The following GRM7 variants were observed in gnomAD, a reference collection of about 807,000 sequenced individuals.
GRM7 encodes the protein metabotropic glutamate receptor 7.
In GRM7, 35 loss-of-function variants were observed where a neutral mutation model predicts 84.5. The observed-to-expected ratio is 0.41, with a 90% CI of 0.32 to 0.55. The LOEUF (loss-of-function observed/expected upper bound fraction) is 0.55. GRM7 is among the 20% of genes least tolerant of loss of function. The probability of loss-of-function intolerance (pLI) is 0.19; values close to 1 mark genes in which losing one functional copy is unlikely to be tolerated. For synonymous variants in GRM7, 487 were observed against 455.1 expected, an observed-to-expected ratio of 1.07 and a Z score of -0.89; for missense variants, 1,003 against 1,194.6, an observed-to-expected ratio of 0.84 and a Z score of 2.36.
At chr3:6,938,986 C>T (rs760479543) in intron 1 of GRM7, among the ~76,000 whole-genome samples, 1 of 152,224 alleles carries the variant, frequency 6.6e-6, no homozygotes, top group African/African-American at 2.4e-5. Flanking sequence ...AGTGCATAAA[C>T]TAACCCCTCT....
At chr3:6,939,808 C>G (rs1470907147) in intron 1 of GRM7, among the ~76,000 whole-genome samples, 1 of 152,080 alleles carries the variant, frequency 6.6e-6, no homozygotes, top group Non-Finnish European at 1.5e-5. Flanking sequence ...TTTCTGGTTT[C>G]TATCCCCTTC....
intron 8 of GRM7, among the ~76,000 whole-genome samples, chr3:7,580,282 T>A (rs1451668963): frequency 1.3e-5 from 2 of 152,186 alleles, no homozygotes; most frequent in Non-Finnish European, 1.5e-5. Flanking sequence ...GGCAGGTCAG[T>A]ACAACTGGGA....
chr3:7,702,645 T>C (rs1000143049), intron 9 of GRM7, among the ~76,000 whole-genome samples: 2 of 152,240 alleles, frequency 1.3e-5, no homozygotes, highest in Admixed American at 1.3e-4. Flanking sequence ...GTTATTCTTA[T>C]AAGTACAATG....
chr3:7,318,563 AG>A (rs1208317633), intron 4 of GRM7, among the ~76,000 whole-genome samples: 1 of 152,060 alleles, frequency 6.6e-6, no homozygotes, highest in Non-Finnish European at 1.5e-5. Flanking sequence ...GGAAGGTTGA[AG>A]GGGTTTTTTA....
chr3:7,062,333 T>C (rs910765603), intron 1 of GRM7, among the ~76,000 whole-genome samples: 3 of 151,590 alleles, frequency 2.0e-5, no homozygotes, highest in Non-Finnish European at 4.4e-5. Context: ...ACAATCGTAG[T>C]GTGTGGAACT....
chr3:7,182,862 C>T (rs1245089992), intron 2 of GRM7, among the ~76,000 whole-genome samples: 3 of 143,056 alleles, frequency 2.1e-5, no homozygotes, highest in African/African-American at 7.7e-5. Flanking sequence ...TTCTTGTGAC[C>T]TTGTGTGCTA....
At chr3:7,447,415 G>A (rs1216019180) in intron 5 of GRM7, among the ~76,000 whole-genome samples, 13 of 152,118 alleles carry the variant, frequency 8.5e-5, no homozygotes, top group Non-Finnish European at 1.6e-4. Context: ...AATAAGAAGT[G>A]TAGTAGTTAA....
intron 9 of GRM7, among the ~76,000 whole-genome samples, chr3:7,685,932 G>T (rs1361838093): frequency 6.6e-6 from 1 of 152,024 alleles, no homozygotes; most frequent in Non-Finnish European, 1.5e-5. Context: ...GTTTTGTTTT[G>T]CTTCTCCATT....
At chr3:6,956,693 A>G (rs889982195) in intron 1 of GRM7, 1 of 454,348 alleles carries the variant, frequency 2.2e-6, no homozygotes, top group Non-Finnish European at 4.4e-6. Context: ...CGCAACTCCA[A>G]ACGCCTGAAA....
chr3:7,553,492 A>G (rs1047661905), intron 7 of GRM7, among the ~76,000 whole-genome samples: 1 of 152,230 alleles, frequency 6.6e-6, no homozygotes, highest in African/African-American at 2.4e-5. Context: ...TCATATGGCC[A>G]TAAAGAACTT....
chr3:7,306,456 G>C, intron 3 of GRM7, 42 bp from the exon 4 acceptor site: 1 of 1,569,450 alleles, frequency 6.4e-7, no homozygotes, highest in Non-Finnish European at 8.8e-7. Flanking sequence ...TTCAGCTGAC[G>C]TTCTTTATCA....
chr3:7,344,040 A>G (rs559504382), intron 4 of GRM7, among the ~76,000 whole-genome samples: 12 of 152,242 alleles, frequency 7.9e-5, no homozygotes, highest in African/African-American at 2.4e-4. Flanking sequence ...TTGTAAAATT[A>G]TTCATATAAA....
chr3:7,278,701 AT>A (rs1559548379), intron 2 of GRM7, among the ~76,000 whole-genome samples: 1 of 152,180 alleles, frequency 6.6e-6, no homozygotes, highest in African/African-American at 2.4e-5. Context: ...GAAGACAAGC[AT>A]ATGAGCAAGT....
chr3:7,007,106 C>G (rs1695203804), intron 1 of GRM7, among the ~76,000 whole-genome samples: 1 of 152,148 alleles, frequency 6.6e-6, no homozygotes, highest in Admixed American at 6.5e-5. Flanking sequence ...AATTAGCATT[C>G]TTAAATGATT....
intron 2 of GRM7, among the ~76,000 whole-genome samples, chr3:7,289,335 T>C (rs998711629): frequency 3.3e-5 from 5 of 152,190 alleles, no homozygotes; most frequent in Non-Finnish European, 5.9e-5. Flanking sequence ...GTGATGTTTC[T>C]TATTGGGATT....
chr3:7,063,378 T>A (rs767801396), intron 1 of GRM7, among the ~76,000 whole-genome samples: 45 of 151,738 alleles, frequency 3.0e-4, no homozygotes, highest in Non-Finnish European at 6.2e-4. Flanking sequence ...ATTGAGTTAT[T>A]GGACCATGAA....
intron 8 of GRM7, among the ~76,000 whole-genome samples, chr3:7,666,523 A>G (rs1392142323): frequency 6.6e-6 from 1 of 152,156 alleles, no homozygotes; most frequent in African/African-American, 2.4e-5. Context: ...CAAAAAATGG[A>G]TGTGGCGAAA....
chr3:6,861,771 A>C lies in GRM7; in HGVS notation c.383A>C (p.Gln128Pro). 4 of 1,614,226 alleles carry C rather than the reference A, an allele frequency of 2.5e-6. No individual in the cohort carries two copies. Among genetic ancestry groups the C allele is most frequent in the Non-Finnish European group, 3.4e-6 (4 of 1,180,046 alleles). Reference protein sequence around the residue: ...QSLTFVQALIQKDTSDVRCTN... With the variant: ...QSLTFVQALIPKDTSDVRCTN... ...CTTACTTTCGTCCAGGCGCTCATCC[A>C]GAAGGACACCTCCGACGTGCGCTGC... The change falls in exon 1 of 10, where the codon CAG (glutamine) becomes CCG (proline). Residue 128 changes from glutamine to proline, a missense_variant. Gln to Pro is a moderately conservative substitution (Grantham distance 76). This residue lies in a region of GRM7 where 910 missense variants were observed against 1,126.0 expected (regional missense o/e 0.81). Coordinates refer to ENST00000357716, the MANE Select transcript of GRM7 (RefSeq NM_000844.4). This position sits in a 1 kb window ranked among gnomAD's most constrained non-coding sequence, Gnocchi z 6.4.
intron 5 of GRM7, among the ~76,000 whole-genome samples, chr3:7,439,821 T>C (rs1697213436): frequency 6.6e-6 from 1 of 152,122 alleles, no homozygotes; most frequent in Non-Finnish European, 1.5e-5. Context: ...GGGATAAGGT[T>C]GCATTGAGGA....
Sources: gnomAD v4.1 joint callset for allele counts (sites outside exome capture counted in the v4.1 genomes callset) on GRCh38, gnomAD v4.1.1 for gene constraint, gnomAD v4.1.1 regional missense constraint, Gnocchi (gnomAD v3.1) non-coding constraint, MANE v1.5 for transcripts, NCBI Gene and HGNC (gene_info 2026-07-23, HGNC 2026-07-21) for gene names.